The following RNF122 variants were observed in gnomAD, a reference collection of about 807,000 sequenced individuals.
The protein encoded by RNF122 is ring finger protein 122.
In RNF122, 17 loss-of-function variants were observed where a neutral mutation model predicts 24.2. The ratio of observed to expected loss-of-function variants is 0.70; its 90% confidence interval spans 0.48 to 1.06. RNF122 has a LOEUF of 1.06. Ranked by LOEUF, RNF122 falls within the 50% of genes least tolerant of loss-of-function variation. The pLI, the probability that RNF122 is intolerant of heterozygous loss-of-function variation, is 0.00. For missense variants in RNF122, 168 were observed against 198.1 expected (o/e 0.85, Z 0.91); for synonymous variants, 65 against 71.8 (o/e 0.91, Z 0.48).
intron 2 of RNF122, among the ~76,000 whole-genome samples, chr8:33,556,612 G>A (rs1003424348): frequency 2.6e-5 from 4 of 152,214 alleles, no homozygotes; most frequent in South Asian, 2.1e-4. Flanking sequence ...TGCTTAACAC[G>A]GGTGTGCGGG....
rs117550175 is a variant in RNF122 at position 33,566,615 on chromosome 8, C to T, written c.25+84G>A. 3.0e-3 allele frequency: 4,284 copies of T among 1,407,442 alleles called. 198 individuals are homozygous for T. In the East Asian group the frequency reaches 0.092, roughly 30 times the overall value. The allele number at this position is 1,407,442 out of a possible 1,614,324, so 87.2% of individuals were successfully genotyped here. A position where few individuals can be genotyped will look rare whatever the true frequency, so the allele number is the denominator to read the frequency against. On this transcript the variant is annotated intron_variant, in intron 1 of 5. Coordinates refer to ENST00000256257, the MANE Select transcript of RNF122 (RefSeq NM_024787.3). ...AGAAACTTGGTTCCCGAGGGAGGAC[C>T]AGCGCGCTGCTGTCCGACCTCGCAC...
chr8:33,554,918 G>T (rs1347492116), intron 2 of RNF122, among the ~76,000 whole-genome samples: 3 of 152,194 alleles, frequency 2.0e-5, no homozygotes, highest in Non-Finnish European at 4.4e-5. Context: ...GTCAGAAGTG[G>T]GGCCTATTTT....
At chr8:33,559,844 T>A (rs912952271) in intron 1 of RNF122, among the ~76,000 whole-genome samples, 1 of 140,060 alleles carries the variant, frequency 7.1e-6, no homozygotes, top group African/African-American at 3.2e-5. Flanking sequence ...TACGCTGTTT[T>A]TTTTTTTTTT....
intron 3 of RNF122, 55 bp from the exon 4 acceptor site, chr8:33,551,140 C>G (rs1003100208): frequency 1.0e-4 from 166 of 1,594,194 alleles, no homozygotes; most frequent in Non-Finnish European, 1.2e-4. Flanking sequence ...CTGGGGCCAG[C>G]CAGGTAGTAT....
chr8:33,564,512 G>A (rs1219671613), intron 1 of RNF122, among the ~76,000 whole-genome samples: 3 of 152,078 alleles, frequency 2.0e-5, no homozygotes, highest in Non-Finnish European at 2.9e-5. Flanking sequence ...GTTGGAGGCC[G>A]CAGTGAGCCC....
chr8:33,556,203 A>AAAAAAAAAAAAAAAC (rs1810450287), intron 2 of RNF122, among the ~76,000 whole-genome samples: 1 of 151,012 alleles, frequency 6.6e-6, no homozygotes, highest in African/African-American at 2.4e-5. Flanking sequence ...AAAAAAAAAA[A>AAAAAAAAAAAAAAAC]AGAAAACCTA....
At chr8:33,554,944 C>T (rs1181644815) in intron 2 of RNF122, among the ~76,000 whole-genome samples, 4 of 152,088 alleles carry the variant, frequency 2.6e-5, no homozygotes, top group Non-Finnish European at 5.9e-5. Context: ...AGGAGGAAAC[C>T]GAGAAGCAGG....
intron 2 of RNF122, among the ~76,000 whole-genome samples, chr8:33,556,316 G>C (rs1257741427): frequency 2.7e-5 from 4 of 149,916 alleles, no homozygotes; most frequent in Admixed American, 2.0e-4. Flanking sequence ...ATGGAGTTTT[G>C]TTCCCAAGGC....
chr8:33,548,008 G>T lies in RNF122; in HGVS notation c.*745C>A, dbSNP rs1156400090. The T allele has an allele frequency of 2.6e-5, 3 of 113,490 alleles. No individual in the cohort carries two copies. The highest frequency in any genetic ancestry group is 3.6e-5 in the African/African-American group (1 of 27,540). The allele number at this position is 113,490 out of a possible 1,614,324, so 7.0% of individuals were successfully genotyped here. ...AAAAAAAAAAAAAAAAAAAAAAAAG[G>T]CCCCTGGGAATCAATTTAAGTATAG... On this transcript the variant is annotated 3_prime_UTR_variant, in exon 6 of 6. Transcript: ENST00000256257.
intron 1 of RNF122, among the ~76,000 whole-genome samples, chr8:33,561,764 A>T (rs1810543439): frequency 6.6e-6 from 1 of 152,034 alleles, no homozygotes; most frequent in Non-Finnish European, 1.5e-5. Context: ...TCTGGTCTTG[A>T]ACACCTGACC....
intron 2 of RNF122, among the ~76,000 whole-genome samples, chr8:33,558,121 AAAAAC>A (rs1810483306): frequency 1.3e-5 from 2 of 152,166 alleles, no homozygotes; most frequent in African/African-American, 2.4e-5. Flanking sequence ...AGCATCTCAA[AAAAAC>A]AAAACAAAAC....
chr8:33,562,239 T>G (rs562265140), intron 1 of RNF122, among the ~76,000 whole-genome samples: 1 of 152,176 alleles, frequency 6.6e-6, no homozygotes, highest in East Asian at 1.9e-4. Flanking sequence ...GTAAGTACTA[T>G]TAAAAGAAAG....
rs1269574177 is a variant in RNF122, at chr8:33,566,605, G to C, written c.25+94C>G. The C allele has an allele frequency of 2.3e-6, 3 of 1,329,990 alleles. No individual in the cohort carries two copies. The East Asian group carries it at 7.5e-5, about 33-fold the overall frequency. 82.4% of individuals were successfully genotyped at this position (1,329,990 alleles called of 1,614,324 possible). A position where few individuals can be genotyped will look rare whatever the true frequency, so the allele number is the denominator to read the frequency against. ...CCATTTCAGGAGAAACTTGGTTCCCGAGGGAGGACCAGCGCGCTGCTGTCC... is the reference window on the plus strand; with the variant it reads ...CCATTTCAGGAGAAACTTGGTTCCCCAGGGAGGACCAGCGCGCTGCTGTCC... On this transcript the variant is annotated intron_variant, in intron 1 of 5. Transcript: ENST00000256257.
intron 2 of RNF122, among the ~76,000 whole-genome samples, chr8:33,553,185 T>C (rs777550142): frequency 4.0e-5 from 6 of 151,640 alleles, no homozygotes; most frequent in South Asian, 2.1e-4. Flanking sequence ...GAAGGAAACA[T>C]AGAAACCCAG....
At chr8:33,560,759 A>G (rs969503912) in intron 1 of RNF122, among the ~76,000 whole-genome samples, 1 of 151,970 alleles carries the variant, frequency 6.6e-6, no homozygotes, top group Non-Finnish European at 1.5e-5. Context: ...CAACATGGTG[A>G]AACTCCATCT....
At chr8:33,551,877 C>T (rs1810381398) in intron 2 of RNF122, among the ~76,000 whole-genome samples, 1 of 152,212 alleles carries the variant, frequency 6.6e-6, no homozygotes, top group South Asian at 2.1e-4. Flanking sequence ...CTTCCCTTCA[C>T]TGTGCCGGAC....
chr8:33,558,408 C>T (rs1446812430), intron 2 of RNF122, among the ~76,000 whole-genome samples: 1 of 152,112 alleles, frequency 6.6e-6, no homozygotes, highest in Non-Finnish European at 1.5e-5. Context: ...ACCTTATATG[C>T]TCAGGAACAA....
At chr8:33,553,688 T>TG (rs1473550008) in intron 2 of RNF122, among the ~76,000 whole-genome samples, 2 of 151,326 alleles carry the variant, frequency 1.3e-5, no homozygotes, top group Non-Finnish European at 2.9e-5. Flanking sequence ...TGGAAGGGGG[T>TG]GGGGTGAGAA....
rs184375101 is a variant in RNF122 at position 33,564,585 on chromosome 8, A to T, written c.25+2114T>A. On this transcript the variant is annotated intron_variant, in intron 1 of 5. Coordinates refer to ENST00000256257, the MANE Select transcript of RNF122 (RefSeq NM_024787.3). ...GAGACCCTCTCTCAAAAAAAAAATT[A>T]AAGTAGGCTGGGCGCAGTGGCTCAC... Among the ~76,000 whole-genome samples, 413 of 149,792 alleles carry T rather than the reference A, an allele frequency of 2.8e-3. 5 individuals carry two copies. The highest frequency in any genetic ancestry group is 3.5e-3 in the Middle Eastern group (1 of 288).
Sources: allele counts gnomAD v4.1 joint callset (sites outside exome capture counted in the v4.1 genomes callset), GRCh38; gene constraint gnomAD v4.1.1; transcripts MANE v1.5; gene names NCBI Gene and HGNC (gene_info 2026-07-23, HGNC 2026-07-21).